Variants in SSBP3 observed in about 807,000 individuals in gnomAD.
SSBP3 encodes the protein single stranded DNA binding protein 3.
Under a neutral mutation model 69.6 loss-of-function variants are expected in SSBP3, and 5 were observed. The ratio of observed to expected loss-of-function variants is 0.07; its 90% CI spans 0.04 to 0.15. SSBP3 has a LOEUF of 0.15. Among genes scored for constraint, SSBP3 ranks in the 10% least tolerant of loss-of-function variants. The pLI is 1.00. For missense variants in SSBP3, 312 were observed against 534.0 expected, an observed-to-expected ratio of 0.58 and a Z score of 4.10; for synonymous variants, 196 against 193.4, an observed-to-expected ratio of 1.01 and a Z score of -0.11.
intron 4 of SSBP3, among the ~76,000 whole-genome samples, chr1:54,375,092 C>T (rs893361156): frequency 2.0e-5 from 3 of 152,106 alleles, no homozygotes; most frequent in Non-Finnish European, 2.9e-5. Context: ...ACATGCTACC[C>T]GTCTTCTCCA....
At chr1:54,236,423 T>C (rs1644496606) in intron 14 of SSBP3, 1 of 152,184 alleles carries the variant, frequency 6.6e-6, no homozygotes, top group Admixed American at 6.5e-5. Flanking sequence ...GCCCAGCCTA[T>C]GTATTTTTTA....
intron 4 of SSBP3, among the ~76,000 whole-genome samples, chr1:54,314,360 C>T (rs938627684): frequency 6.6e-6 from 1 of 152,160 alleles, no homozygotes; most frequent in African/African-American, 2.4e-5. Flanking sequence ...GCAAAAAGGG[C>T]GAAGGACTCC....
chr1:54,316,620 C>A (rs556376790), intron 4 of SSBP3, among the ~76,000 whole-genome samples: 34 of 138,086 alleles, frequency 2.5e-4, no homozygotes, highest in African/African-American at 9.1e-4. Context: ...CGCAGTCCCA[C>A]CTGGGCGACA....
At chr1:54,314,123 A>G (rs1443680371) in intron 4 of SSBP3, among the ~76,000 whole-genome samples, 1 of 152,170 alleles carries the variant, frequency 6.6e-6, no homozygotes, top group East Asian at 1.9e-4. Context: ...AATGGGAGCC[A>G]GCCAAGGGGG....
intron 14 of SSBP3, among the ~76,000 whole-genome samples, chr1:54,233,601 C>G (rs1191648457): frequency 6.8e-6 from 1 of 147,932 alleles, no homozygotes; most frequent in Non-Finnish European, 1.5e-5. Context: ...GGGTCAGCCC[C>G]CTGCCCGGCC....
At chr1:54,406,342 C>T (rs1234331103) in exon 1 of SSBP3, 2 of 156,792 alleles carry the variant, frequency 1.3e-5, no homozygotes. Flanking sequence ...CTGCGCCGCC[C>T]TCTGCGCCTC....
At chr1:54,299,337 A>G (rs1223150753) in intron 4 of SSBP3, among the ~76,000 whole-genome samples, 1 of 152,136 alleles carries the variant, frequency 6.6e-6, no homozygotes, top group Non-Finnish European at 1.5e-5. Context: ...GGCGGCAGTC[A>G]CGGGGGCGTG....
intron 1 of SSBP3, among the ~76,000 whole-genome samples, chr1:54,411,887 G>A (rs1311884301): frequency 1.4e-4 from 15 of 109,750 alleles, no homozygotes; most frequent in South Asian, 4.0e-4. Context: ...GCGAGACTCC[G>A]TCTCAAAAAA....
At chr1:54,316,653 AAAAAAAT>A (rs199832572) in intron 4 of SSBP3, among the ~76,000 whole-genome samples, 1,678 of 53,770 alleles carry the variant, frequency 0.031, 119 homozygotes, top group East Asian at 0.13. Flanking sequence ...GTCTCAAAAA[AAAAAAAT>A]AAAATAAATA....
At chr1:54,270,762 T>TACACATCATCTC (rs1645179307) in intron 5 of SSBP3, among the ~76,000 whole-genome samples, 1 of 152,156 alleles carries the variant, frequency 6.6e-6, no homozygotes, top group South Asian at 2.1e-4. Flanking sequence ...TGGGGCTTCA[T>TACACATCATCTC]ACACATCATC....
At chr1:54,225,635 C>A in exon 18 of SSBP3, 5 of 316,676 alleles carry the variant, frequency 1.6e-5, no homozygotes, top group South Asian at 1.6e-4. Context: ...ATATGATATA[C>A]ATGGATCAGA....
At chr1:54,229,859 A>G (rs1439305110) in intron 14 of SSBP3, among the ~76,000 whole-genome samples, 1 of 152,188 alleles carries the variant, frequency 6.6e-6, no homozygotes, top group African/African-American at 2.4e-5. Flanking sequence ...GGAGCAGCTC[A>G]CGGATACCCA....
chr1:54,411,040 T>C (rs551124877), upstream of SSBP3, among the ~76,000 whole-genome samples: 2 of 152,374 alleles, frequency 1.3e-5, no homozygotes, highest in Admixed American at 6.5e-5. Flanking sequence ...AACGGACACA[T>C]ACTTCTCCTG....
intron 5 of SSBP3, among the ~76,000 whole-genome samples, chr1:54,274,039 C>T (rs1191780603): frequency 1.3e-5 from 2 of 152,202 alleles, no homozygotes; most frequent in Non-Finnish European, 2.9e-5. Flanking sequence ...GTGCTTCTGT[C>T]CCCTGGAGGA....
chr1:54,327,738 G>A (rs1646335996), intron 4 of SSBP3, among the ~76,000 whole-genome samples: 1 of 152,122 alleles, frequency 6.6e-6, no homozygotes, highest in Non-Finnish European at 1.5e-5. Context: ...TTAAGTACGA[G>A]TTATCCTGTT....
intron 7 of SSBP3, among the ~76,000 whole-genome samples, chr1:54,256,328 AT>A (rs1644920685): frequency 6.6e-6 from 1 of 152,194 alleles, no homozygotes; most frequent in Non-Finnish European, 1.5e-5. Context: ...AAATTGGGGC[AT>A]AAAATTTCCC....
chr1:54,380,088 G>A (rs1393755046), intron 4 of SSBP3, among the ~76,000 whole-genome samples: 4 of 152,168 alleles, frequency 2.6e-5, no homozygotes, highest in Non-Finnish European at 4.4e-5. Flanking sequence ...GGCCAATCTC[G>A]CCAGGGAAAG....
intron 7 of SSBP3, among the ~76,000 whole-genome samples, chr1:54,256,468 C>T (rs966883638): frequency 2.0e-5 from 3 of 152,148 alleles, no homozygotes; most frequent in African/African-American, 7.2e-5. Context: ...TTCTCCAGAC[C>T]ACCTAGAATT....
rs375732402 is a variant in SSBP3 at position 54,297,579 on chromosome 1, C to T, written c.277-16052G>A. On this transcript the variant is annotated intron_variant, in intron 4 of 17. Transcript: ENST00000610401. ...TTGGGAGGCAGAGGTTGCAGTGAGCCGAGATCATGCCACTGCACTCCAGCC... is the reference window on the plus strand; with the variant it reads ...TTGGGAGGCAGAGGTTGCAGTGAGCTGAGATCATGCCACTGCACTCCAGCC... Among the ~76,000 whole-genome samples the T allele has an allele frequency of 2.4e-3, 360 of 152,218 alleles. 2 individuals carry two copies. Among genetic ancestry groups the T allele is most frequent in the African/African-American group, 8.3e-3 (343 of 41,530 alleles).
Sources: gnomAD v4.1 joint callset for allele counts (sites outside exome capture counted in the v4.1 genomes callset) on GRCh38, gnomAD v4.1.1 for gene constraint, MANE v1.5 for transcripts, NCBI Gene and HGNC (gene_info 2026-07-23, HGNC 2026-07-21) for gene names.